Variants in CYTH1 observed in about 807,000 individuals in gnomAD.
CYTH1 encodes the protein cytohesin-1.
CYTH1 carries 18 observed loss-of-function variants against 61.8 expected under a neutral mutation model. The ratio of observed to expected loss-of-function variants is 0.29; its 90% CI spans 0.20 to 0.43. CYTH1 has a LOEUF of 0.43. CYTH1 is among the 20% of genes least tolerant of loss of function. CYTH1 has a pLI of 1.00. For synonymous variants in CYTH1, 174 were observed against 184.3 expected (o/e 0.94, Z 0.45); for missense variants, 336 against 510.5 (o/e 0.66, Z 3.29).
chr17:78,750,555 T>C (rs2093375919), intron 1 of CYTH1, among the ~76,000 whole-genome samples: 1 of 152,152 alleles, frequency 6.6e-6, no homozygotes, highest in Non-Finnish European at 1.5e-5. Context: ...ATGCCTGTAA[T>C]CCCAGCACTT....
intron 1 of CYTH1, among the ~76,000 whole-genome samples, chr17:78,731,166 A>T (rs1159616051): frequency 2.6e-5 from 4 of 152,106 alleles, no homozygotes; most frequent in Admixed American, 2.6e-4. Context: ...GATCAGCATA[A>T]CTCAACAGTG....
intron 5 of CYTH1, 47 bp downstream of exon 5, chr17:78,702,075 T>C (rs1264631040): frequency 1.4e-6 from 2 of 1,460,246 alleles, no homozygotes; most frequent in South Asian, 2.3e-5. Flanking sequence ...CTTTGTGTCG[T>C]TCCTGAACAG....
chr17:78,675,185 G>A lies in CYTH1; in HGVS notation c.*906C>T, dbSNP rs2092684866. The A allele has an allele frequency of 6.6e-6, 1 of 152,188 alleles. No individual in the cohort carries two copies. The highest frequency in any genetic ancestry group is 1.5e-5 in the Non-Finnish European group (1 of 68,032). The allele number at this position is 152,188 out of a possible 1,614,324, so 9.4% of individuals were successfully genotyped here. On this transcript the variant is annotated 3_prime_UTR_variant, in exon 14 of 14. Coordinates refer to ENST00000446868, the MANE Select transcript of CYTH1 (RefSeq NM_004762.6). ...ACCTTCCTCACAGTTTTGGTTATTA[G>A]GTATTTAGCTCAAGGAAAATGCTGA... is the stretch of plus-strand genomic sequence containing the variant.
chr17:78,756,176 A>G (rs922436826), intron 1 of CYTH1, among the ~76,000 whole-genome samples: 3 of 151,470 alleles, frequency 2.0e-5, no homozygotes, highest in African/African-American at 7.3e-5. Flanking sequence ...CCTGGGTTCA[A>G]GCGATTCTTG....
intron 1 of CYTH1, chr17:78,723,400 T>TGTGTGCGCCAG (rs1362551446): frequency 6.6e-6 from 1 of 152,544 alleles, no homozygotes; most frequent in East Asian, 1.9e-4. Flanking sequence ...AAGGACAGCA[T>TGTGTGCGCCAG]GTGTGCGCCA....
In CYTH1 at chr17:78,708,823, A is replaced by G. The variant is rs1400671881; in HGVS notation, c.106-562T>C. On this transcript the variant is annotated intron_variant, in intron 2 of 13. Coordinates refer to ENST00000446868, the MANE Select transcript of CYTH1 (RefSeq NM_004762.6). ...ACGGGGAAGTGGGGCTTAAGTGGAGAGCTGCTTAGCTTTCTCACGATCTAC... is the reference window on the plus strand; with the variant it reads ...ACGGGGAAGTGGGGCTTAAGTGGAGGGCTGCTTAGCTTTCTCACGATCTAC... 4 of 153,544 alleles carry G rather than the reference A, an allele frequency of 2.6e-5. No individual in the cohort carries two copies. In the Admixed American group the frequency reaches 2.6e-4, roughly 10 times the overall value. 9.5% of individuals were successfully genotyped at this position (153,544 alleles called of 1,614,324 possible).
At chr17:78,772,052 T>A (rs2093473465) in intron 1 of CYTH1, among the ~76,000 whole-genome samples, 2 of 152,224 alleles carry the variant, frequency 1.3e-5, no homozygotes, top group Non-Finnish European at 1.5e-5. Flanking sequence ...ACCTCCTCCA[T>A]GCCTCTATGA....
At chr17:78,687,147 T>C (rs1023789337) in intron 11 of CYTH1, among the ~76,000 whole-genome samples, 2 of 152,130 alleles carry the variant, frequency 1.3e-5, no homozygotes, top group Non-Finnish European at 2.9e-5. Context: ...GAAATAATTA[T>C]ACAACTCACC....
At chr17:78,712,781 G>C (rs887903017) in intron 1 of CYTH1, among the ~76,000 whole-genome samples, 1 of 152,000 alleles carries the variant, frequency 6.6e-6, no homozygotes, top group African/African-American at 2.4e-5. Flanking sequence ...TTAGAGGCTG[G>C]AAGAGACAGC....
intron 1 of CYTH1, among the ~76,000 whole-genome samples, chr17:78,770,326 A>C (rs2093465723): frequency 8.8e-6 from 1 of 113,132 alleles, no homozygotes; most frequent in Non-Finnish European, 1.7e-5. Flanking sequence ...TCCCATCTCC[A>C]AAAAAAAAAA....
intron 13 of CYTH1, chr17:78,677,633 T>C (rs1379880985): frequency 6.6e-6 from 1 of 152,648 alleles, no homozygotes; most frequent in East Asian, 1.9e-4. Context: ...ACACACCTGA[T>C]TCTACAGAAC....
intron 1 of CYTH1, among the ~76,000 whole-genome samples, chr17:78,726,111 T>G (rs1443151489): frequency 1.3e-5 from 2 of 149,068 alleles, no homozygotes; most frequent in Admixed American, 6.8e-5. Context: ...TGGCGCGATC[T>G]CGGCTCACTG....
intron 1 of CYTH1, among the ~76,000 whole-genome samples, chr17:78,778,835 G>GC (rs2093504436): frequency 6.6e-6 from 1 of 152,006 alleles, no homozygotes; most frequent in Non-Finnish European, 1.5e-5. Context: ...GTTCTGAGGT[G>GC]ACGTCTGAAC....
chr17:78,679,017 TCCA>T (rs1462054562), intron 13 of CYTH1, among the ~76,000 whole-genome samples: 9 of 152,226 alleles, frequency 5.9e-5, no homozygotes. Context: ...TTCCTTTCCC[TCCA>T]TCATCACATC....
chr17:78,754,527 T>G (rs1475422174), intron 1 of CYTH1, among the ~76,000 whole-genome samples: 1 of 152,040 alleles, frequency 6.6e-6, no homozygotes, highest in Non-Finnish European at 1.5e-5. Context: ...TCTTTTTTAT[T>G]TGTAGAGACA....
intron 1 of CYTH1, among the ~76,000 whole-genome samples, chr17:78,764,586 A>G (rs1020765547): frequency 2.6e-5 from 4 of 152,238 alleles, no homozygotes; most frequent in African/African-American, 9.6e-5. Context: ...AGTTTCAGCA[A>G]GAACCAGGCT....
At chr17:78,713,163 C>T (rs1485548013) in intron 1 of CYTH1, among the ~76,000 whole-genome samples, 6 of 151,846 alleles carry the variant, frequency 4.0e-5, no homozygotes, top group African/African-American at 7.3e-5. Context: ...AAGCAAAAGC[C>T]GTTTTGAAAA....
intron 11 of CYTH1, among the ~76,000 whole-genome samples, chr17:78,681,280 C>A (rs1330093556): frequency 6.6e-6 from 1 of 152,088 alleles, no homozygotes; most frequent in Non-Finnish European, 1.5e-5. Flanking sequence ...CAACAGACAC[C>A]GTGAGAGTGT....
intron 11 of CYTH1, among the ~76,000 whole-genome samples, chr17:78,684,166 CT>C (rs1024571475): frequency 4.6e-5 from 7 of 152,210 alleles, no homozygotes; most frequent in African/African-American, 1.7e-4. Flanking sequence ...CTGGCCCCCC[CT>C]CTTTCCTGCT....
Sources: allele counts gnomAD v4.1 joint callset (sites outside exome capture counted in the v4.1 genomes callset), GRCh38; gene constraint gnomAD v4.1.1; transcripts MANE v1.5; gene names NCBI Gene and HGNC (gene_info 2026-07-23, HGNC 2026-07-21).